The following COX10 variants were observed in gnomAD, a reference collection of about 807,000 sequenced individuals.
The protein encoded by COX10 is cytochrome c oxidase assembly factor heme A:farnesyltransferase COX10, also known as protoheme IX farnesyltransferase, mitochondrial.
COX10 carries 27 observed loss-of-function variants against 37.3 expected under a neutral mutation model. That is an observed-to-expected ratio of 0.72 (90% CI 0.53 to 1.00). The LOEUF is 1.00. COX10 is among the 50% of genes least tolerant of loss of function. The pLI is 0.00. For synonymous variants in COX10, 222 were observed against 229.1 expected, an observed-to-expected ratio of 0.97 and a Z score of 0.28; for missense variants, 475 against 563.2, an observed-to-expected ratio of 0.84 and a Z score of 1.59.
At chr17:14,171,058 A>G (rs1905450971) in intron 5 of COX10, among the ~76,000 whole-genome samples, 1 of 152,168 alleles carries the variant, frequency 6.6e-6, no homozygotes, top group East Asian at 1.9e-4. Context: ...GAAGTAAGCA[A>G]AAACACACGC....
intron 1 of COX10, among the ~76,000 whole-genome samples, chr17:14,071,446 A>G (rs1037049348): frequency 1.3e-5 from 2 of 152,184 alleles, no homozygotes; most frequent in Admixed American, 6.5e-5. Context: ...ATCCATTTGG[A>G]AGATCTACTA....
At chr17:14,111,212 T>C (rs1260835079) in intron 4 of COX10, among the ~76,000 whole-genome samples, 1 of 152,158 alleles carries the variant, frequency 6.6e-6, no homozygotes. Flanking sequence ...TTCTGTCTTA[T>C]CAATTTTCTA....
At chr17:14,157,016 C>T (rs1863175231) in intron 4 of COX10, among the ~76,000 whole-genome samples, 2 of 152,184 alleles carry the variant, frequency 1.3e-5, no homozygotes, top group Admixed American at 1.3e-4. Context: ...CATAGCAATA[C>T]TAAGGCAAAT....
rs914945140 is a variant in COX10, at chr17:14,139,579, G to A, written c.625-20298G>A. On this transcript the variant is annotated intron_variant, in intron 4 of 6. Coordinates refer to ENST00000261643, the MANE Select transcript of COX10 (RefSeq NM_001303.4). Reference sequence around the variant, plus strand: ...CTACACCTTTCCTATGCCTAAATAAGTAAACGGGATTTCTTGGCAATAAAA... The same window carrying A: ...CTACACCTTTCCTATGCCTAAATAAATAAACGGGATTTCTTGGCAATAAAA... 2.0e-5 allele frequency among the ~76,000 whole-genome samples: 3 copies of A among 152,058 alleles called. No homozygotes were observed. The East Asian group carries it at 5.8e-4, about 29-fold the overall frequency.
intron 6 of COX10, among the ~76,000 whole-genome samples, chr17:14,195,765 T>A (rs1459276721): frequency 6.6e-6 from 1 of 152,134 alleles, no homozygotes; most frequent in Non-Finnish European, 1.5e-5. Flanking sequence ...TTCAGTGGGC[T>A]GGGGTGGGGT....
chr17:14,191,355 A>G (rs62052066), intron 5 of COX10, among the ~76,000 whole-genome samples: 76,997 of 141,620 alleles, frequency 0.54, 21,374 homozygotes, highest in Non-Finnish European at 0.58. Flanking sequence ...ACTACACAAC[A>G]GCCACCCGGT....
In COX10 at chr17:14,094,005, G is replaced by T. The variant is rs539998841; in HGVS notation, c.500-8113G>T. On this transcript the variant is annotated intron_variant, in intron 3 of 6. Transcript: ENST00000261643. The stretch of plus-strand genomic sequence containing the variant: ...GGCCAGGAGTTGAAGGCTGCTGTGA[G>T]CTCTGATTGTGCCACTGCACTGCAG... Among the ~76,000 whole-genome samples the T allele has an allele frequency of 2.9e-4, 44 of 152,264 alleles. 1 individual carries two copies. The East Asian group carries it at 8.5e-3, about 29-fold the overall frequency.
At chr17:14,089,426 C>A (rs911274017) in intron 3 of COX10, among the ~76,000 whole-genome samples, 9 of 152,154 alleles carry the variant, frequency 5.9e-5, no homozygotes, top group Non-Finnish European at 1.2e-4. Flanking sequence ...TTGGAGACTC[C>A]TGGTTTGGGT....
intron 1 of COX10, 141 bp from the exon 2 acceptor site, chr17:14,074,181 AT>A (rs1915092019): frequency 2.4e-6 from 2 of 845,880 alleles, no homozygotes; most frequent in South Asian, 3.1e-5. Context: ...ACAAATCTGG[AT>A]TAGATTATTT....
intron 1 of COX10, among the ~76,000 whole-genome samples, chr17:14,073,439 A>G (rs1237145148): frequency 6.6e-6 from 1 of 152,190 alleles, no homozygotes; most frequent in African/African-American, 2.4e-5. Flanking sequence ...GTTGAGAATA[A>G]AACACTCTTA....
chr17:14,159,896 A>C lies in COX10; in HGVS notation c.644A>C (p.Asp215Ala), dbSNP rs1003704965. Residue 215 changes from aspartate to alanine, a missense_variant, in exon 5 of 7, where the codon GAC (aspartate) becomes GCC (alanine). Transcript: ENST00000261643. ...TTACAGTTTTTTGAGGTGCCATTTG[A>C]CTCAAACATGAATAGGACAAAGAAC... ...SINQFFEVPF[D>A]SNMNRTKNRP... The C allele has an allele frequency of 1.2e-6, 2 of 1,612,156 alleles. No homozygotes were observed. Among genetic ancestry groups the C allele is most frequent in the Non-Finnish European group, 1.7e-6 (2 of 1,179,500 alleles).
At chr17:14,175,965 G>C (rs1419432860) in intron 5 of COX10, among the ~76,000 whole-genome samples, 1 of 152,168 alleles carries the variant, frequency 6.6e-6, no homozygotes, top group East Asian at 1.9e-4. Flanking sequence ...GGAACTCCAT[G>C]TGCAGTGGGA....
intron 4 of COX10, among the ~76,000 whole-genome samples, chr17:14,137,220 G>GT (rs1156361267): frequency 6.6e-6 from 1 of 150,942 alleles, no homozygotes; most frequent in Non-Finnish European, 1.5e-5. Flanking sequence ...ATTTCTAGAA[G>GT]TTTTTTTCTA....
At chr17:14,177,228 T>G in intron 5 of COX10, 1 of 731,256 alleles carries the variant, frequency 1.4e-6, no homozygotes, top group East Asian at 2.5e-5. Flanking sequence ...CTTCTGGCAC[T>G]GGTGCAAGGC....
At chr17:14,113,136 C>T (rs937519460) in intron 4 of COX10, among the ~76,000 whole-genome samples, 2 of 152,150 alleles carry the variant, frequency 1.3e-5, no homozygotes, top group East Asian at 1.9e-4. Flanking sequence ...TCAGCTAAAA[C>T]GTCATTCATT....
chr17:14,184,347 T>G (rs1398845829), intron 5 of COX10, among the ~76,000 whole-genome samples: 3 of 152,348 alleles, frequency 2.0e-5, no homozygotes, highest in African/African-American at 7.2e-5. Context: ...CACCTGATCC[T>G]ACTCAGCATG....
At chr17:14,109,664 C>G (rs1915970832) in intron 4 of COX10, among the ~76,000 whole-genome samples, 1 of 152,064 alleles carries the variant, frequency 6.6e-6, no homozygotes, top group Non-Finnish European at 1.5e-5. Flanking sequence ...TATTTCCTCT[C>G]AAATGAGATG....
At chr17:14,203,825 G>A (rs920642253) in intron 6 of COX10, among the ~76,000 whole-genome samples, 3 of 152,190 alleles carry the variant, frequency 2.0e-5, no homozygotes, top group African/African-American at 7.2e-5. Flanking sequence ...GGACTTAAAA[G>A]ATCCTCATTA....
intron 4 of COX10, among the ~76,000 whole-genome samples, chr17:14,142,657 T>C (rs1194999653): frequency 6.6e-6 from 1 of 152,212 alleles, no homozygotes; most frequent in Admixed American, 6.5e-5. Context: ...TATTGGAAAC[T>C]CTTAATAATT....
Sources: allele counts gnomAD v4.1 joint callset (sites outside exome capture counted in the v4.1 genomes callset), GRCh38; gene constraint gnomAD v4.1.1; transcripts MANE v1.5; gene names NCBI Gene and HGNC (gene_info 2026-07-23, HGNC 2026-07-21).